The following CUX1 variants were observed in gnomAD, a reference collection of about 807,000 sequenced individuals.
CUX1 encodes the protein cut like homeobox 1, also known as protein CASP.
CUX1 carries 31 observed loss-of-function variants against 158.8 expected under a neutral mutation model. The ratio of observed to expected loss-of-function variants is 0.20; its 90% CI spans 0.15 to 0.26. The LOEUF is 0.26. Among genes scored for constraint, CUX1 ranks in the 10% least tolerant of loss-of-function variants. The probability of loss-of-function intolerance (pLI) is 1.00; values close to 1 mark genes in which losing one functional copy is unlikely to be tolerated. For missense variants in CUX1, 1,589 were observed against 2,014.6 expected (o/e 0.79, Z 4.04); for synonymous variants, 879 against 862.1 (o/e 1.02, Z -0.34).
rs571537467 is a variant in CUX1 at position 101,967,514 on chromosome 7, A to G, written c.141+51289A>G. On this transcript the variant is annotated intron_variant, in intron 2 of 23. Transcript: ENST00000292535. ...TTCTTGTCTGTGTGATGTTCATTGAATGCAAATTCTTTCGCAAATAATGGC... is the reference window on the plus strand; with the variant it reads ...TTCTTGTCTGTGTGATGTTCATTGAGTGCAAATTCTTTCGCAAATAATGGC... Among the ~76,000 whole-genome samples the G allele has an allele frequency of 2.5e-4, 38 of 152,336 alleles. No homozygotes were observed. The South Asian group carries it at 4.6e-3, about 18-fold the overall frequency.
chr7:101,919,167 C>T (rs117179485), intron 2 of CUX1, among the ~76,000 whole-genome samples: 4,115 of 152,124 alleles, frequency 0.027, 87 homozygotes, highest in Non-Finnish European at 0.036. Flanking sequence ...GTGCAGGAGG[C>T]GGAGTTCCCT....
chr7:102,128,411 C>T (rs1313161946), intron 8 of CUX1, among the ~76,000 whole-genome samples: 4 of 151,858 alleles, frequency 2.6e-5, no homozygotes, highest in Non-Finnish European at 5.9e-5. Flanking sequence ...GGGTGCCAGG[C>T]AGGACGGAGG....
chr7:102,057,200 C>G (rs1344617102), intron 3 of CUX1, among the ~76,000 whole-genome samples: 1 of 152,164 alleles, frequency 6.6e-6, no homozygotes, highest in Non-Finnish European at 1.5e-5. Context: ...CGCGCCTAGC[C>G]GAAAGGTTCT....
intron 1 of CUX1, among the ~76,000 whole-genome samples, chr7:101,879,894 C>A (rs1222341050): frequency 6.6e-6 from 1 of 152,222 alleles, no homozygotes; most frequent in East Asian, 1.9e-4. Context: ...CGCAGAGTCA[C>A]ACTCAGACCC....
intron 14 of CUX1, among the ~76,000 whole-genome samples, chr7:102,270,363 G>A (rs2132788263): frequency 6.6e-6 from 1 of 152,314 alleles, no homozygotes; most frequent in South Asian, 2.1e-4. Flanking sequence ...CAGTCTCCTG[G>A]CCTTCGCTTC....
intron 16 of CUX1, chr7:102,275,109 C>A (rs1554547390): frequency 7.9e-6 from 5 of 636,040 alleles, no homozygotes. Context: ...TGCCCAGCAC[C>A]AGGGAGTCAG....
intron 6 of CUX1, among the ~76,000 whole-genome samples, chr7:102,109,889 A>G (rs1830710848): frequency 1.3e-5 from 2 of 152,224 alleles, no homozygotes; most frequent in African/African-American, 2.4e-5. Flanking sequence ...ATTATACAGC[A>G]GTATCTCCAC....
intron 1 of CUX1, among the ~76,000 whole-genome samples, chr7:101,882,235 G>C (rs563423884): frequency 1.3e-5 from 2 of 152,174 alleles, no homozygotes; most frequent in African/African-American, 4.8e-5. Context: ...AAGCAGATGA[G>C]GCTGGTGAAT....
intron 20 of CUX1, among the ~76,000 whole-genome samples, chr7:102,221,860 T>G (rs539921888): frequency 6.6e-6 from 1 of 152,184 alleles, no homozygotes; most frequent in South Asian, 2.1e-4. Flanking sequence ...ATATGCAAAT[T>G]ACCCATTTTC....
rs782714884 is a variant in CUX1 at position 102,248,630 on chromosome 7, C to T, written c.4106C>T (p.Pro1369Leu). 7 of 1,417,148 alleles carry T rather than the reference C, an allele frequency of 4.9e-6. No individual in the cohort carries two copies. Among genetic ancestry groups the T allele is most frequent in the African/African-American group, 1.5e-5 (1 of 65,340 alleles). The allele number at this position is 1,417,148 out of a possible 1,614,324, so 87.8% of individuals were successfully genotyped here. A position where few individuals can be genotyped will look rare whatever the true frequency, so the allele number is the denominator to read the frequency against. Residue 1369 changes from proline to leucine, a missense_variant, in exon 24 of 24, where the codon CCG becomes CTG. Pro to Leu is a moderately conservative substitution (Grantham distance 98). Around this residue, in one of 8 missense-constraint regions of CUX1, gnomAD observed 344 missense variants for 323.7 expected, o/e 1.06. Coordinates refer to ENST00000292535, the MANE Select transcript of CUX1 (RefSeq NM_181552.4). This position sits in a 1 kb window ranked among gnomAD's most constrained non-coding sequence, Gnocchi z 5.8. ...GEAEREEVPR[P>L]AEQTEPPPSG... ...GCCGAGCGGGAGGAGGTGCCGCGGC[C>T]GGCGGAGCAGACGGAGCCGCCGCCC...
chr7:102,122,049 C>T (rs1384292422), intron 8 of CUX1, among the ~76,000 whole-genome samples: 2 of 152,098 alleles, frequency 1.3e-5, no homozygotes, highest in Non-Finnish European at 2.9e-5. Flanking sequence ...AGGTAGAGCC[C>T]GGTTGAGTAA....
Position 102,201,622 on chromosome 7 carries a change from C to G in CUX1, c.2325C>G (p.Ala775=). 6.2e-7 allele frequency: 1 copy of G among 1,613,928 alleles called. No homozygotes were observed. ...KKPSAAPEAG[A]SALPNPPALK... is the part of the protein sequence containing the mutation. The stretch of plus-strand genomic sequence containing the variant: ...CCTCCGCAGCTCCTGAGGCCGGTGC[C>G]TCTGCTCTGCCGAACCCCCCGGCCC... The change falls in exon 18 of 24, where the codon GCC becomes GCG. Residue 775 remains alanine, a synonymous_variant. Coordinates refer to ENST00000292535, the MANE Select transcript of CUX1 (RefSeq NM_181552.4). The surrounding 1 kb of genome is among the most constrained non-coding windows in gnomAD (Gnocchi z 5.0).
Position 102,256,372 on chromosome 7 carries a change from T to C in CUX1, c.*7330T>C. The C allele has an allele frequency of 1.0e-6, 1 of 985,306 alleles. No individual in the cohort carries two copies. The highest frequency in any genetic ancestry group is 1.2e-6 in the Non-Finnish European group (1 of 829,784). The allele number at this position is 985,306 out of a possible 1,614,324, so 61.0% of individuals were successfully genotyped here. ...ATTATTAGGTTAATCATTTAAGTAC[T>C]TATCAGGAGTGTATTGTTATTTTGT... On this transcript the variant is annotated 3_prime_UTR_variant, in exon 24 of 24. Transcript: ENST00000292535.
At chr7:101,951,751 C>T (rs546763146) in intron 2 of CUX1, among the ~76,000 whole-genome samples, 27 of 152,334 alleles carry the variant, frequency 1.8e-4, no homozygotes, top group African/African-American at 5.8e-4. Context: ...TTGTGATCCG[C>T]CCGCATCGGC....
intron 9 of CUX1, among the ~76,000 whole-genome samples, chr7:102,168,917 TCTTTTCTTTTCTTTTA>T (rs1563341807): frequency 9.1e-5 from 8 of 87,860 alleles, no homozygotes; most frequent in South Asian, 3.0e-4. Context: ...TCTTTTATTT[TCTTTTCTTTTCTTTTA>T]TTTTCTTTTT....
intron 1 of CUX1, among the ~76,000 whole-genome samples, chr7:101,912,336 C>T (rs961626475): frequency 6.6e-6 from 1 of 151,702 alleles, no homozygotes; most frequent in Non-Finnish European, 1.5e-5. Flanking sequence ...AAGGACATAA[C>T]TCGCCTCACT....
chr7:102,196,741 A>G lies in CUX1; in HGVS notation c.1330A>G (p.Asn444Asp). The G allele has an allele frequency of 1.2e-6, 2 of 1,613,618 alleles. No individual in the cohort carries two copies. Among genetic ancestry groups the G allele is most frequent in the Non-Finnish European group, 1.7e-6 (2 of 1,179,650 alleles). Residue 444 changes from asparagine to aspartate, a missense_variant, in exon 15 of 24, where the codon AAT becomes GAT. Around this residue, in one of 8 missense-constraint regions of CUX1, gnomAD observed 515 missense variants for 574.4 expected, o/e 0.90. Transcript: ENST00000292535. ...LPRNPGEQAS[N>D]TNGTHQFSPA... ...CCGCAACCCGGGGGAGCAGGCTTCC[A>G]ATACTAATGGTACACACCAGTTCTC...
At chr7:101,923,208 C>T (rs550114069) in intron 2 of CUX1, among the ~76,000 whole-genome samples, 4 of 152,278 alleles carry the variant, frequency 2.6e-5, no homozygotes, top group Admixed American at 2.0e-4. Flanking sequence ...GGAGAAACCC[C>T]CAGTGCTCCT....
chr7:102,076,472 A>C (rs1826744009), intron 4 of CUX1, among the ~76,000 whole-genome samples: 1 of 152,124 alleles, frequency 6.6e-6, no homozygotes, highest in East Asian at 1.9e-4. Context: ...TGTACCTCTG[A>C]GTAGGTTTGG....
Sources: allele counts gnomAD v4.1 joint callset (sites outside exome capture counted in the v4.1 genomes callset), GRCh38; gene constraint gnomAD v4.1.1; regional missense constraint gnomAD v4.1.1; non-coding constraint Gnocchi (gnomAD v3.1); transcripts MANE v1.5; gene names NCBI Gene and HGNC (gene_info 2026-07-23, HGNC 2026-07-21).